RAI14: variants seen among roughly 807,000 people sequenced by gnomAD.
RAI14 encodes the protein retinoic acid induced 14, also known as ankycorbin.
A neutral mutation model predicts 115.4 loss-of-function variants in RAI14; 45 were observed. The observed-to-expected ratio is 0.39, with a 90% CI of 0.31 to 0.50. The LOEUF (loss-of-function observed/expected upper bound fraction) is 0.50. Among genes scored for constraint, RAI14 ranks in the 20% least tolerant of loss-of-function variants. The probability of loss-of-function intolerance (pLI) is 0.85; values close to 1 mark genes in which losing one functional copy is unlikely to be tolerated. For missense variants in RAI14, 939 were observed against 1,131.2 expected, an observed-to-expected ratio of 0.83 and a Z score of 2.44; for synonymous variants, 371 against 415.4, an observed-to-expected ratio of 0.89 and a Z score of 1.30.
intron 3 of RAI14, among the ~76,000 whole-genome samples, chr5:34,770,314 G>T (rs754517378): frequency 1.3e-5 from 2 of 152,148 alleles, no homozygotes; most frequent in African/African-American, 2.4e-5. Context: ...AAAAATATCT[G>T]TTTATGCCAG....
At chr5:34,821,230 G>A (rs1388364556) in intron 13 of RAI14, among the ~76,000 whole-genome samples, 4 of 152,208 alleles carry the variant, frequency 2.6e-5, no homozygotes, top group African/African-American at 9.6e-5. Flanking sequence ...AGACTGGTCT[G>A]ACGTTGCTGT....
At chr5:34,803,225 G>C (rs1754480636) in intron 4 of RAI14, among the ~76,000 whole-genome samples, 1 of 152,180 alleles carries the variant, frequency 6.6e-6, no homozygotes, top group Admixed American at 6.5e-5. Context: ...TAGGGCATGG[G>C]GGATGCTCGA....
At chr5:34,757,776 G>T in intron 3 of RAI14, 178 bp downstream of exon 3, 1 of 794,768 alleles carries the variant, frequency 1.3e-6, no homozygotes, top group Non-Finnish European at 1.8e-6. Context: ...CACATATGGA[G>T]CTCTACCTTG....
intron 6 of RAI14, 39 bp from the exon 7 acceptor site, chr5:34,808,545 G>T: frequency 6.3e-7 from 1 of 1,581,026 alleles, no homozygotes; most frequent in Non-Finnish European, 8.7e-7. Context: ...GTGAATAACT[G>T]TGTGATTGGC....
At chr5:34,785,356 G>A (rs544532890) in intron 3 of RAI14, among the ~76,000 whole-genome samples, 41 of 152,002 alleles carry the variant, frequency 2.7e-4, no homozygotes, top group African/African-American at 5.3e-4. Flanking sequence ...GACATACCCC[G>A]TTTCATGCAT....
At chr5:34,704,145 G>C (rs1034542095) in intron 2 of RAI14, among the ~76,000 whole-genome samples, 1 of 152,168 alleles carries the variant, frequency 6.6e-6, no homozygotes, top group Non-Finnish European at 1.5e-5. Context: ...CGGCTCAGTC[G>C]TTGCCAGCCC....
At chr5:34,718,938 T>C (rs1742318059) in intron 2 of RAI14, among the ~76,000 whole-genome samples, 2 of 152,262 alleles carry the variant, frequency 1.3e-5, no homozygotes, top group South Asian at 4.1e-4. Context: ...ATGCACAAGA[T>C]GAAAATCAAT....
At chr5:34,762,780 G>T (rs1748818839) in intron 3 of RAI14, among the ~76,000 whole-genome samples, 1 of 152,156 alleles carries the variant, frequency 6.6e-6, no homozygotes, top group African/African-American at 2.4e-5. Flanking sequence ...ATTGTTTCAA[G>T]ATGGGTTCCC....
At chr5:34,829,118 T>C (rs1757749828) in intron 16 of RAI14, among the ~76,000 whole-genome samples, 1 of 137,834 alleles carries the variant, frequency 7.3e-6, no homozygotes, top group South Asian at 2.5e-4. Flanking sequence ...TGTACATATA[T>C]ACACACACAT....
At chr5:34,730,884 G>A (rs1243849996) in intron 2 of RAI14, among the ~76,000 whole-genome samples, 1 of 152,220 alleles carries the variant, frequency 6.6e-6, no homozygotes, top group African/African-American at 2.4e-5. Flanking sequence ...TCTGGAGGCT[G>A]AGGCAGGAGA....
At chr5:34,803,502 A>G (rs1190755407) in intron 4 of RAI14, among the ~76,000 whole-genome samples, 1 of 152,104 alleles carries the variant, frequency 6.6e-6, no homozygotes, top group Non-Finnish European at 1.5e-5. Flanking sequence ...GGCTGCAGAG[A>G]GCCATGATCG....
In RAI14 at chr5:34,686,873, T is replaced by C; in HGVS notation, c.-47T>C. 1 of 1,592,064 alleles carries C rather than the reference T, an allele frequency of 6.3e-7. No individual in the cohort carries two copies. Among genetic ancestry groups the C allele is most frequent in the Non-Finnish European group, 8.6e-7 (1 of 1,161,350 alleles). The stretch of plus-strand genomic sequence containing the variant: ...TATGTCCTTTTTTTCTCTGCTTAGG[T>C]GTTGAAAAGTCTCCTCTAGAGCTTT... On this transcript the variant is annotated splice_region_variant and 5_prime_UTR_variant, in exon 2 of 18. Coordinates refer to ENST00000265109, the MANE Select transcript of RAI14 (RefSeq NM_015577.3).
chr5:34,708,201 G>GTTTTTTTTTTTTTTTT (rs146605112), intron 2 of RAI14, among the ~76,000 whole-genome samples: 2 of 147,312 alleles, frequency 1.4e-5, no homozygotes, highest in Non-Finnish European at 1.5e-5. Flanking sequence ...GGAACTTTGG[G>GTTTTTTTTTTTTTTTT]TTTTTGTTTT....
At chr5:34,721,291 GTATATATATATATATATATATA>G (rs10538679) in intron 2 of RAI14, among the ~76,000 whole-genome samples, 12 of 131,172 alleles carry the variant, frequency 9.1e-5, no homozygotes, top group South Asian at 2.8e-4. Context: ...ATGTAGATGT[GTATATATATATATATATATATA>G]TATATATATA....
intron 17 of RAI14, among the ~76,000 whole-genome samples, chr5:34,830,189 G>A (rs1757885139): frequency 6.6e-6 from 1 of 152,098 alleles, no homozygotes; most frequent in African/African-American, 2.4e-5. Context: ...TTGCCATGTT[G>A]CCCAGGCTGG....
intron 2 of RAI14, among the ~76,000 whole-genome samples, chr5:34,703,236 A>T (rs1484823494): frequency 1.3e-5 from 2 of 152,242 alleles, no homozygotes; most frequent in African/African-American, 4.8e-5. Flanking sequence ...TAATTACAAC[A>T]TATAAAAAAT....
intron 2 of RAI14, chr5:34,687,522 G>A: frequency 2.2e-6 from 3 of 1,392,736 alleles, no homozygotes; most frequent in Non-Finnish European, 2.8e-6. Flanking sequence ...CAGTTATGAT[G>A]TCAGAGTTAT....
chr5:34,804,863 C>G (rs1754677640), intron 5 of RAI14, among the ~76,000 whole-genome samples: 1 of 152,164 alleles, frequency 6.6e-6, no homozygotes, highest in Non-Finnish European at 1.5e-5. Context: ...ATCCTTGGCC[C>G]TACCTCAATT....
At chr5:34,764,397 A>G (rs1162649969) in intron 3 of RAI14, among the ~76,000 whole-genome samples, 12 of 152,146 alleles carry the variant, frequency 7.9e-5, no homozygotes, top group African/African-American at 2.9e-4. Flanking sequence ...GGTGATCTGA[A>G]TGGTTTGTCC....
Sources: allele counts gnomAD v4.1 joint callset (sites outside exome capture counted in the v4.1 genomes callset), GRCh38; gene constraint gnomAD v4.1.1; transcripts MANE v1.5; gene names NCBI Gene and HGNC (gene_info 2026-07-23, HGNC 2026-07-21).